The following NPC1L1 variants were observed in gnomAD, a reference collection of about 807,000 sequenced individuals.
The protein encoded by NPC1L1 is NPC1 like intracellular cholesterol transporter 1.
Under a neutral mutation model 117.0 loss-of-function variants are expected in NPC1L1, and 98 were observed. That is an observed-to-expected ratio of 0.84 (90% confidence interval 0.71 to 0.99). NPC1L1 has a LOEUF of 0.99. NPC1L1 is among the 50% of genes least tolerant of loss of function. The probability of loss-of-function intolerance (pLI) is 0.00; values close to 1 mark genes in which losing one functional copy is unlikely to be tolerated. For synonymous variants in NPC1L1, 729 were observed against 727.6 expected, an observed-to-expected ratio of 1.00 and a Z score of -0.03; for missense variants, 1,540 against 1,710.0, an observed-to-expected ratio of 0.90 and a Z score of 1.75.
chr7:44,521,383 G>A (rs897275431), intron 12 of NPC1L1, among the ~76,000 whole-genome samples: 2 of 152,250 alleles, frequency 1.3e-5, no homozygotes, highest in Admixed American at 6.5e-5. Context: ...AAATGCCACT[G>A]CTTTGGGCGG....
In NPC1L1 at chr7:44,536,143, G is replaced by T; in HGVS notation, c.1854+113C>A. ...ATCACAATCACCCCGTTCTGAGCAGGCAGCCACTGCCCAGGGTCACTTAGG... is the reference window on the plus strand; with the variant it reads ...ATCACAATCACCCCGTTCTGAGCAGTCAGCCACTGCCCAGGGTCACTTAGG... On this transcript the variant is annotated intron_variant, in intron 4 of 18. Coordinates refer to ENST00000381160, the MANE Select transcript of NPC1L1 (RefSeq NM_001101648.2). This position sits in a 1 kb window ranked among gnomAD's most constrained non-coding sequence, Gnocchi z 4.7. The T allele has an allele frequency of 1.3e-6, 2 of 1,550,598 alleles. No individual in the cohort carries two copies.
At chr7:44,515,743 T>G in intron 18 of NPC1L1, 60 bp downstream of exon 18, 1 of 1,606,398 alleles carries the variant, frequency 6.2e-7, no homozygotes, top group African/African-American at 1.3e-5. Flanking sequence ...GAGCATGCAC[T>G]GTTACTGTTG....
chr7:44,532,146 G>T lies in NPC1L1; in HGVS notation c.2481C>A (p.Leu827=). ...ELPPPGQGEG[L]LLGFFQKAYA... ...AAGCCTTTTGGAAGAAGCCAAGCAG[G>T]AGCCCCTCTCCCTGGCCAGGCGGGG... The change falls in exon 9 of 19, where the codon CTC becomes CTA. Residue 827 remains leucine (L), a synonymous_variant. Transcript: ENST00000381160. 2 of 1,614,072 alleles carry T rather than the reference G, an allele frequency of 1.2e-6. No homozygotes were observed. Among genetic ancestry groups the T allele is most frequent in the South Asian group, 2.2e-5 (2 of 91,086 alleles).
At position 44,539,473 on chromosome 7, in the gene NPC1L1, G is replaced by T. The variant is rs1440950363; in HGVS notation, c.924C>A (p.Ala308=). Residue 308 remains alanine (A), a synonymous_variant, in exon 2 of 19, where the codon GCC becomes GCA. Transcript: ENST00000381160. The surrounding 1 kb of genome is among the most constrained non-coding windows in gnomAD (Gnocchi z 4.4). ...CCATCTTGCTTTTGTCCCTGGCGGGGGCCACACGGAATCCCACAAGCAGGA... is the reference window on the plus strand; with the variant it reads ...CCATCTTGCTTTTGTCCCTGGCGGGTGCCACACGGAATCCCACAAGCAGGA... The part of the protein sequence containing the change: ...VTILLVGFRV[A]PARDKSKMVD... The T allele has an allele frequency of 6.2e-7, 1 of 1,614,024 alleles. No homozygotes were observed. The highest frequency in any genetic ancestry group is 1.3e-5 in the African/African-American group (1 of 75,044).
Position 44,517,232 on chromosome 7 carries a change from G to T in NPC1L1, c.3262C>A (p.Pro1088Thr). Residue 1088 changes from proline (P) to threonine (T), a missense_variant, in exon 15 of 19, where the codon CCG (proline) becomes ACG (threonine). Pro to Thr is a conservative substitution (Grantham distance 38). Around this residue, in one of 3 missense-constraint regions of NPC1L1, gnomAD observed 742 missense variants for 873.6 expected, o/e 0.85. Transcript: ENST00000381160. Reference protein sequence around the residue: ...ADLRKVPGTDPAFEVFPYTIT... With the variant: ...ADLRKVPGTDTAFEVFPYTIT... ...GTGTAGGGGAAGACCTCAAAAGCCG[G>T]GTCTGTTCCAGGCACTTTCCGCAGG... 6.2e-7 allele frequency: 1 copy of T among 1,614,104 alleles called. No individual in the cohort carries two copies. The highest frequency in any genetic ancestry group is 1.1e-5 in the South Asian group (1 of 91,070).
Position 44,534,676 on chromosome 7 carries a change from A to C in NPC1L1, c.1984-47T>G, listed in dbSNP as rs1047425249. Reference sequence around the variant, plus strand: ...CCCCCTAGCCACTTAGCACCTACCCAGTATGCCCACCAGCCTCAGCTAGGC... The same window carrying C: ...CCCCCTAGCCACTTAGCACCTACCCCGTATGCCCACCAGCCTCAGCTAGGC... On this transcript the variant is annotated intron_variant, in intron 5 of 18. Coordinates refer to ENST00000381160, the MANE Select transcript of NPC1L1 (RefSeq NM_001101648.2). The surrounding 1 kb of genome is among the most constrained non-coding windows in gnomAD (Gnocchi z 5.2). The C allele has an allele frequency of 1.9e-6, 3 of 1,602,700 alleles. No individual in the cohort carries two copies. Among genetic ancestry groups the C allele is most frequent in the Non-Finnish European group, 2.6e-6 (3 of 1,172,436 alleles).
Position 44,529,758 on chromosome 7 carries a change from G to A in NPC1L1, c.2637+1997C>T, listed in dbSNP as rs141731269. Among the ~76,000 whole-genome samples, 23 of 152,156 alleles carry A rather than the reference G, an allele frequency of 1.5e-4. No individual in the cohort carries two copies. In the East Asian group the frequency reaches 2.3e-3, roughly 15 times the overall value. ...TCATAGAACAGAAAGTAAATGGGCC[G>A]GGCACAGTGGTTCATGCCTGTAATC... On this transcript the variant is annotated intron_variant, in intron 10 of 18. Transcript: ENST00000381160.
At chr7:44,518,113 C>CAAAA (rs113705525) in intron 14 of NPC1L1, among the ~76,000 whole-genome samples, 15 of 136,252 alleles carry the variant, frequency 1.1e-4, no homozygotes, top group South Asian at 4.8e-4. Flanking sequence ...GATCCCATCT[C>CAAAA]AAAAAAAAAA....
intron 10 of NPC1L1, among the ~76,000 whole-genome samples, chr7:44,525,986 C>A (rs1801503885): frequency 6.7e-6 from 1 of 149,182 alleles, no homozygotes; most frequent in Admixed American, 6.7e-5. Flanking sequence ...GCCAACATGG[C>A]AAAACCCCAT....
At chr7:44,528,714 A>G (rs957985317) in intron 10 of NPC1L1, among the ~76,000 whole-genome samples, 2 of 152,232 alleles carry the variant, frequency 1.3e-5, no homozygotes, top group African/African-American at 4.8e-5. Context: ...AAATGACAGA[A>G]GTAAATCCCT....
chr7:44,538,624 A>G lies in NPC1L1; in HGVS notation c.1580+193T>C, dbSNP rs1372220626. Among the ~76,000 whole-genome samples, 2 of 152,228 alleles carry G rather than the reference A, an allele frequency of 1.3e-5. No individual in the cohort carries two copies. Among genetic ancestry groups the G allele is most frequent in the African/African-American group, 2.4e-5 (1 of 41,468 alleles). On this transcript the variant is annotated intron_variant, in intron 2 of 18. Coordinates refer to ENST00000381160, the MANE Select transcript of NPC1L1 (RefSeq NM_001101648.2). The surrounding 1 kb of genome is among the most constrained non-coding windows in gnomAD (Gnocchi z 5.9). Reference sequence around the variant, plus strand: ...CACAAACCTGCAGCCATGAGCAGGAACTCTGACCAAAGGAAATGGCGGCCG... The same window carrying G: ...CACAAACCTGCAGCCATGAGCAGGAGCTCTGACCAAAGGAAATGGCGGCCG...
intron 14 of NPC1L1, among the ~76,000 whole-genome samples, chr7:44,518,098 A>C (rs1047135588): frequency 6.6e-6 from 1 of 151,318 alleles, no homozygotes; most frequent in Non-Finnish European, 1.5e-5. Flanking sequence ...TGGGCAACAG[A>C]GCAAGATCCC....
Position 44,513,435 on chromosome 7 carries a change from C to T in NPC1L1, c.*12G>A. The T allele has an allele frequency of 1.2e-6, 2 of 1,613,258 alleles. No homozygotes were observed. The highest frequency in any genetic ancestry group is 1.7e-6 in the Non-Finnish European group (2 of 1,179,228). ...TCAGGGCCATAGAGCCTAGACAGGG[C>T]CTCTGGCTGTATCAGAACTGCCGCC... is the stretch of plus-strand genomic sequence containing the variant. On this transcript the variant is annotated 3_prime_UTR_variant, in exon 19 of 19. Transcript: ENST00000381160.
rs1801075060 is a variant in NPC1L1 at position 44,512,758 on chromosome 7, A to G, written c.*689T>C. The G allele has an allele frequency of 6.5e-6, 1 of 153,834 alleles. No homozygotes were observed. The highest frequency in any genetic ancestry group is 1.4e-5 in the Non-Finnish European group (1 of 69,192). The allele number at this position is 153,834 out of a possible 1,614,324, so 9.5% of individuals were successfully genotyped here. The stretch of plus-strand genomic sequence containing the variant: ...GCCTTGACTGGCAGCAACAGCCTTA[A>G]TAAGTATTGGAGCTGGAGACCAAAC... On this transcript the variant is annotated 3_prime_UTR_variant, in exon 19 of 19. Coordinates refer to ENST00000381160, the MANE Select transcript of NPC1L1 (RefSeq NM_001101648.2).
rs748475245 is a variant in NPC1L1 at position 44,513,397 on chromosome 7, A to G, written c.*50T>C. On this transcript the variant is annotated 3_prime_UTR_variant, in exon 19 of 19. Coordinates refer to ENST00000381160, the MANE Select transcript of NPC1L1 (RefSeq NM_001101648.2). ...AGGGGCAGTCACAAGGAAGATCCCC[A>G]TAACCCTTTGGTTCAGGGCCATAGA... The G allele has an allele frequency of 1.1e-5, 17 of 1,561,302 alleles. No homozygotes were observed. The highest frequency in any genetic ancestry group is 1.3e-5 in the Non-Finnish European group (15 of 1,132,376).
Position 44,536,109 on chromosome 7 carries a change from A to C in NPC1L1, c.1855-141T>G. The C allele has an allele frequency of 6.5e-7, 1 of 1,534,048 alleles. No individual in the cohort carries two copies. Among genetic ancestry groups the C allele is most frequent in the South Asian group, 1.1e-5 (1 of 88,652 alleles). ...CCCTATAATCGCAGGTGAGGCTATA[A>C]GAACAGCCATCACAATCACCCCGTT... On this transcript the variant is annotated intron_variant, in intron 4 of 18. Coordinates refer to ENST00000381160, the MANE Select transcript of NPC1L1 (RefSeq NM_001101648.2). This position sits in a 1 kb window ranked among gnomAD's most constrained non-coding sequence, Gnocchi z 4.7.
chr7:44,513,323 C>G lies in NPC1L1; in HGVS notation c.*124G>C. Reference sequence around the variant, plus strand: ...GAGCAGGCCATCCTCCAGTGACAGGCAGTCTCATGGGAATGGCCTCCCCTA... The same window carrying G: ...GAGCAGGCCATCCTCCAGTGACAGGGAGTCTCATGGGAATGGCCTCCCCTA... On this transcript the variant is annotated 3_prime_UTR_variant, in exon 19 of 19. Transcript: ENST00000381160. The G allele has an allele frequency of 1.1e-6, 1 of 894,262 alleles. No homozygotes were observed. Among genetic ancestry groups the G allele is most frequent in the South Asian group, 1.4e-5 (1 of 72,874 alleles). The allele number at this position is 894,262 out of a possible 1,614,324, so 55.4% of individuals were successfully genotyped here.
At position 44,539,017 on chromosome 7, in the gene NPC1L1, T is replaced by G; in HGVS notation, c.1380A>C (p.Glu460Asp). ...CCTGCAGGGAGATGTTGCGCTGTGC[T>G]TCGGGCGACCATACCTGGAGGTGCC... ...RLRHLQVWSP[E>D]AQRNISLQDI... Residue 460 changes from glutamate to aspartate, a missense_variant, in exon 2 of 19, where the codon GAA becomes GAC. Transcript: ENST00000381160. This position sits in a 1 kb window ranked among gnomAD's most constrained non-coding sequence, Gnocchi z 4.4. 1 of 1,614,184 alleles carries G rather than the reference T, an allele frequency of 6.2e-7. No individual in the cohort carries two copies. The highest frequency in any genetic ancestry group is 8.5e-7 in the Non-Finnish European group (1 of 1,180,022).
chr7:44,516,575 A>C, intron 16 of NPC1L1, 128 bp downstream of exon 16: 1 of 816,820 alleles, frequency 1.2e-6, no homozygotes, highest in Admixed American at 2.0e-5. Flanking sequence ...CACTGCCCTC[A>C]AGCCTGAGCA....
Sources: allele counts gnomAD v4.1 joint callset (sites outside exome capture counted in the v4.1 genomes callset), GRCh38; gene constraint gnomAD v4.1.1; regional missense constraint gnomAD v4.1.1; non-coding constraint Gnocchi (gnomAD v3.1); transcripts MANE v1.5; gene names NCBI Gene and HGNC (gene_info 2026-07-23, HGNC 2026-07-21).